Variants in ATAD2B observed in about 807,000 individuals in gnomAD.
ATAD2B encodes the protein ATPase family AAA domain-containing protein 2B.
Under a neutral mutation model 167.6 loss-of-function variants are expected in ATAD2B, and 40 were observed. That is an observed-to-expected ratio of 0.24 (90% CI 0.19 to 0.31). The LOEUF (loss-of-function observed/expected upper bound fraction) is 0.31, where lower values mean the gene tolerates loss of function less well. Among genes scored for constraint, ATAD2B ranks in the 10% least tolerant of loss-of-function variants. ATAD2B has a pLI of 1.00. For missense variants in ATAD2B, 1,242 were observed against 1,757.2 expected, an observed-to-expected ratio of 0.71 and a Z score of 5.24; for synonymous variants, 579 against 596.5, an observed-to-expected ratio of 0.97 and a Z score of 0.43.
the ATAD2B span, chr2:23,690,978 C>G: frequency 6.5e-6 from 1 of 153,494 alleles, no homozygotes; most frequent in East Asian, 1.9e-4. Flanking sequence ...CCGGGCCAGG[C>G]CCCAGGTCAT....
chr2:23,803,313 T>TAC (rs150446002), intron 18 of ATAD2B, among the ~76,000 whole-genome samples: 3,136 of 149,448 alleles, frequency 0.021, 32 homozygotes, highest in South Asian at 0.045. Context: ...CATATGTGTG[T>TAC]ACACACACAC....
chr2:23,795,860 C>T lies in ATAD2B; in HGVS notation c.2640+2278G>A, dbSNP rs567135930. On this transcript the variant is annotated intron_variant, in intron 19 of 27. Coordinates refer to ENST00000238789, the MANE Select transcript of ATAD2B (RefSeq NM_017552.4). ...CGCCACTACACTCCAGCCTGGGTGG[C>T]TGAGTGAGACTCCATCTCAAAAAAA... Among the ~76,000 whole-genome samples, 11 of 150,590 alleles carry T rather than the reference C, an allele frequency of 7.3e-5. No homozygotes were observed. In the South Asian group the frequency reaches 2.3e-3, roughly 32 times the overall value.
chr2:23,775,120 G>A (rs1386381756), intron 22 of ATAD2B, among the ~76,000 whole-genome samples: 1 of 152,140 alleles, frequency 6.6e-6, no homozygotes, highest in African/African-American at 2.4e-5. Flanking sequence ...AGAGATGAAG[G>A]GGTACTTACA....
chr2:23,693,250 C>T, the ATAD2B span: 11 of 1,536,466 alleles, frequency 7.2e-6, no homozygotes, highest in South Asian at 1.3e-4. Flanking sequence ...GGTCAGTGGT[C>T]CTGCGCTGTC....
downstream of ATAD2B, among the ~76,000 whole-genome samples, chr2:23,745,333 G>C (rs1255408717): frequency 1.3e-5 from 2 of 148,490 alleles, no homozygotes; most frequent in Non-Finnish European, 3.0e-5. Context: ...GAGAAAGAGA[G>C]AAAGAGACAG....
At chr2:23,809,018 A>G (rs1685103953) in intron 18 of ATAD2B, 1 of 152,156 alleles carries the variant, frequency 6.6e-6, no homozygotes, top group Non-Finnish European at 1.5e-5. Flanking sequence ...TAGTGGTTTT[A>G]AGATACTTGC....
At chr2:23,906,583 C>T (rs948084224) in intron 1 of ATAD2B, among the ~76,000 whole-genome samples, 3 of 152,060 alleles carry the variant, frequency 2.0e-5, no homozygotes, top group South Asian at 2.1e-4. Flanking sequence ...GTTGATCTGT[C>T]TAATATTGAC....
intron 17 of ATAD2B, chr2:23,811,392 G>A (rs1685563850): frequency 6.6e-6 from 1 of 152,230 alleles, no homozygotes; most frequent in Non-Finnish European, 1.5e-5. Flanking sequence ...CCCTCCAGAG[G>A]AAGCAGCGGT....
intron 1 of ATAD2B, 89 bp from the exon 2 acceptor site, chr2:23,896,059 G>C: frequency 9.1e-7 from 1 of 1,102,432 alleles, no homozygotes; most frequent in Non-Finnish European, 1.3e-6. Context: ...GCTCACTCCT[G>C]TAATCCCAGC....
chr2:23,808,822 T>C (rs143600266), intron 18 of ATAD2B, among the ~76,000 whole-genome samples: 3 of 152,308 alleles, frequency 2.0e-5, no homozygotes, highest in East Asian at 3.9e-4. Context: ...AGTTTCTTTA[T>C]GAACATTGCT....
intron 14 of ATAD2B, among the ~76,000 whole-genome samples, chr2:23,830,150 A>AT (rs1284440430): frequency 6.6e-6 from 1 of 151,946 alleles, no homozygotes; most frequent in Non-Finnish European, 1.5e-5. Context: ...CACCTGGCTA[A>AT]TTTTTGTATT....
chr2:23,775,816 T>C (rs570294329), intron 22 of ATAD2B, among the ~76,000 whole-genome samples: 10 of 152,166 alleles, frequency 6.6e-5, no homozygotes, highest in African/African-American at 2.2e-4. Flanking sequence ...CCCAACCATA[T>C]CTCCTGCCCA....
At chr2:23,870,997 A>T (rs1418288560) in intron 8 of ATAD2B, among the ~76,000 whole-genome samples, 2 of 152,100 alleles carry the variant, frequency 1.3e-5, no homozygotes, top group African/African-American at 2.4e-5. Context: ...ACCACCACAA[A>T]ATTGTGTGCT....
chr2:23,828,810 A>C (rs558301328), intron 15 of ATAD2B, 39 bp downstream of exon 15: 1 of 1,325,118 alleles, frequency 7.5e-7, no homozygotes, highest in African/African-American at 1.4e-5. Context: ...TGAGCAGAAC[A>C]AACAATGACA....
chr2:23,758,796 C>A (rs1278088420), intron 24 of ATAD2B, among the ~76,000 whole-genome samples: 3 of 152,086 alleles, frequency 2.0e-5, no homozygotes, highest in Non-Finnish European at 4.4e-5. Flanking sequence ...GCTATCAAGG[C>A]AACAACAACA....
chr2:23,695,183 C>T, the ATAD2B span, among the ~76,000 whole-genome samples: 1 of 152,102 alleles, frequency 6.6e-6, no homozygotes, highest in Non-Finnish European at 1.5e-5. The surrounding 1 kb of genome is among the most constrained non-coding windows in gnomAD (Gnocchi z 7.6). Context: ...TCAATAGTCG[C>T]CATCTCCTTG....
At chr2:23,744,510 A>G (rs1051734067), downstream of ATAD2B, among the ~76,000 whole-genome samples, 4 of 152,232 alleles carry the variant, frequency 2.6e-5, no homozygotes, top group South Asian at 2.1e-4. Flanking sequence ...TTTCTTGAAC[A>G]CTTACTATGT....
intron 1 of ATAD2B, among the ~76,000 whole-genome samples, chr2:23,920,505 T>C (rs75563393): frequency 0.05 from 7,607 of 152,310 alleles, 254 homozygotes; most frequent in Middle Eastern, 0.075. Context: ...TATTCATTCA[T>C]TCATTTAACA....
intron 18 of ATAD2B, among the ~76,000 whole-genome samples, chr2:23,804,661 C>G (rs2712063): frequency 7.1e-6 from 1 of 141,638 alleles, no homozygotes; most frequent in Admixed American, 7.2e-5. Context: ...AATCATGCCA[C>G]GAAAAAAATC....
Sources: gnomAD v4.1 joint callset for allele counts (sites outside exome capture counted in the v4.1 genomes callset) on GRCh38, gnomAD v4.1.1 for gene constraint, Gnocchi (gnomAD v3.1) non-coding constraint, MANE v1.5 for transcripts, NCBI Gene and HGNC (gene_info 2026-07-23, HGNC 2026-07-21) for gene names.